The following THSD4 variants were observed in gnomAD, a reference collection of about 807,000 sequenced individuals.
The protein encoded by THSD4 is thrombospondin type-1 domain-containing protein 4.
Under a neutral mutation model 119.0 loss-of-function variants are expected in THSD4, and 69 were observed. The ratio of observed to expected loss-of-function variants is 0.58; its 90% CI spans 0.48 to 0.71. The LOEUF (loss-of-function observed/expected upper bound fraction) is 0.71, where lower values mean the gene tolerates loss of function less well. Among genes scored for constraint, THSD4 ranks in the 30% least tolerant of loss-of-function variants. THSD4 has a pLI of 0.00. For missense variants in THSD4, 1,393 were observed against 1,391.1 expected, an observed-to-expected ratio of 1.00 and a Z score of -0.02; for synonymous variants, 524 against 540.4, an observed-to-expected ratio of 0.97 and a Z score of 0.42.
chr15:71,713,870 C>T (rs576901764), intron 8 of THSD4, among the ~76,000 whole-genome samples: 119 of 152,138 alleles, frequency 7.8e-4, no homozygotes, highest in Non-Finnish European at 1.1e-3. Flanking sequence ...GGATGTGAAA[C>T]CTAAAAAAAA....
intron 7 of THSD4, among the ~76,000 whole-genome samples, chr15:71,484,670 A>G (rs530361508): frequency 1.3e-5 from 2 of 152,290 alleles, no homozygotes; most frequent in South Asian, 4.1e-4. Context: ...AAATTCTTTG[A>G]GGTTGTTAGA....
At chr15:71,731,503 A>C in intron 10 of THSD4, 1 of 386,812 alleles carries the variant, frequency 2.6e-6, no homozygotes, top group South Asian at 2.7e-5. Flanking sequence ...TCCAGGCCAG[A>C]CAAGGGGGCT....
In THSD4 at chr15:71,115,864, C is replaced by T. The variant is rs907310088; in HGVS notation, c.-80+166C>T. On this transcript the variant is annotated intron_variant, in intron 1 of 17. Transcript: ENST00000261862. This position sits in a 1 kb window ranked among gnomAD's most constrained non-coding sequence, Gnocchi z 4.4. ...GCCGCGGGCTGCGCCGCTCCGGGCT[C>T]GGGGAGCCAGCGCGCGCCTGGTCCG... Among the ~76,000 whole-genome samples the T allele has an allele frequency of 2.0e-5, 3 of 151,722 alleles. No individual in the cohort carries two copies. Among genetic ancestry groups the T allele is most frequent in the African/African-American group, 4.8e-5 (2 of 41,382 alleles).
At chr15:71,359,131 ATCTTC>A (rs2045860360) in intron 6 of THSD4, among the ~76,000 whole-genome samples, 1 of 152,110 alleles carries the variant, frequency 6.6e-6, no homozygotes, top group Non-Finnish European at 1.5e-5. Flanking sequence ...TCCCCTTCGC[ATCTTC>A]TCTTCTGCTA....
intron 3 of THSD4, among the ~76,000 whole-genome samples, chr15:71,182,216 A>G (rs1296086713): frequency 6.6e-6 from 1 of 151,790 alleles, no homozygotes; most frequent in African/African-American, 2.4e-5. Flanking sequence ...CTTTTGTTCT[A>G]GAGTTTGCCT....
At chr15:71,573,419 G>A (rs2049395669) in intron 7 of THSD4, among the ~76,000 whole-genome samples, 1 of 152,188 alleles carries the variant, frequency 6.6e-6, no homozygotes, top group African/African-American at 2.4e-5. Context: ...TTTTAGTGAA[G>A]CGCAAAAACT....
intron 8 of THSD4, among the ~76,000 whole-genome samples, chr15:71,705,661 G>A (rs940807324): frequency 3.9e-5 from 6 of 152,144 alleles, no homozygotes; most frequent in Non-Finnish European, 5.9e-5. Context: ...GCAGCCAGGA[G>A]GAAATGAGAA....
At chr15:71,142,360 A>T (rs530586045) in intron 2 of THSD4, among the ~76,000 whole-genome samples, 5 of 152,146 alleles carry the variant, frequency 3.3e-5, no homozygotes, top group Non-Finnish European at 5.9e-5. Flanking sequence ...GAGCATTGCA[A>T]CTGTAGTCCA....
At chr15:71,723,560 C>T (rs1034213672) in intron 8 of THSD4, among the ~76,000 whole-genome samples, 1 of 152,218 alleles carries the variant, frequency 6.6e-6, no homozygotes, top group African/African-American at 2.4e-5. Context: ...GCTAGACTCT[C>T]AAACTGTAAT....
intron 7 of THSD4, among the ~76,000 whole-genome samples, chr15:71,529,421 A>G (rs912319820): frequency 6.6e-6 from 1 of 152,224 alleles, no homozygotes; most frequent in Non-Finnish European, 1.5e-5. Flanking sequence ...AACAAATGTC[A>G]TAATTACTTA....
intron 6 of THSD4, among the ~76,000 whole-genome samples, chr15:71,372,316 T>A (rs970916813): frequency 5.3e-5 from 8 of 152,266 alleles, no homozygotes; most frequent in African/African-American, 1.9e-4. Context: ...GTTCCGTTGC[T>A]GGCGAGGAGC....
chr15:71,589,095 G>A (rs2049746894), intron 7 of THSD4, among the ~76,000 whole-genome samples: 1 of 152,160 alleles, frequency 6.6e-6, no homozygotes, highest in African/African-American at 2.4e-5. Flanking sequence ...GAGAGTTGGA[G>A]ATTCACATAG....
At chr15:71,343,972 C>T (rs1364810248) in intron 6 of THSD4, among the ~76,000 whole-genome samples, 1 of 151,858 alleles carries the variant, frequency 6.6e-6, no homozygotes, top group Non-Finnish European at 1.5e-5. Flanking sequence ...CCTCACCCTC[C>T]CAAAGTGATG....
intron 6 of THSD4, among the ~76,000 whole-genome samples, chr15:71,326,993 C>A (rs1040544677): frequency 4.2e-4 from 64 of 151,426 alleles, no homozygotes; most frequent in Admixed American, 7.2e-4. Flanking sequence ...CATGGTGAAA[C>A]CTTGTCTCTA....
chr15:71,530,364 T>C (rs1401159113), intron 7 of THSD4, among the ~76,000 whole-genome samples: 1 of 152,118 alleles, frequency 6.6e-6, no homozygotes, highest in African/African-American at 2.4e-5. Context: ...GCTCAGCTCC[T>C]GTGGCTGGGA....
intron 7 of THSD4, among the ~76,000 whole-genome samples, chr15:71,626,050 A>C (rs1269002991): frequency 6.6e-6 from 1 of 152,222 alleles, no homozygotes; most frequent in Non-Finnish European, 1.5e-5. Context: ...TTCTACAAAG[A>C]TCTTATACAG....
chr15:71,131,172 A>G (rs113087580), intron 1 of THSD4, among the ~76,000 whole-genome samples: 6 of 152,342 alleles, frequency 3.9e-5, no homozygotes, highest in African/African-American at 1.4e-4. Context: ...CAAAATAATG[A>G]CATTGGGGAG....
intron 7 of THSD4, chr15:71,547,143 T>TA (rs1357214271): frequency 8.3e-7 from 1 of 1,206,904 alleles, no homozygotes; most frequent in Non-Finnish European, 1.1e-6. Flanking sequence ...TGCTTTCTGT[T>TA]AAAGGCAGCC....
intron 6 of THSD4, among the ~76,000 whole-genome samples, chr15:71,272,295 G>C (rs2044539504): frequency 6.6e-6 from 1 of 150,874 alleles, no homozygotes; most frequent in Non-Finnish European, 1.5e-5. Flanking sequence ...CAGCTACTCG[G>C]GAGGCCAAAG....
Sources: allele counts gnomAD v4.1 joint callset (sites outside exome capture counted in the v4.1 genomes callset), GRCh38; gene constraint gnomAD v4.1.1; non-coding constraint Gnocchi (gnomAD v3.1); transcripts MANE v1.5; gene names NCBI Gene and HGNC (gene_info 2026-07-23, HGNC 2026-07-21).